Variants in SLC4A7 observed in about 807,000 individuals in gnomAD.
SLC4A7 encodes the protein solute carrier family 4 member 7, also known as sodium bicarbonate cotransporter 3.
SLC4A7 carries 51 observed loss-of-function variants against 137.6 expected under a neutral mutation model. The observed-to-expected ratio is 0.37, with a 90% CI of 0.30 to 0.47. SLC4A7 has a LOEUF of 0.47. SLC4A7 is among the 20% of genes least tolerant of loss of function. The pLI, the probability that SLC4A7 is intolerant of heterozygous loss-of-function variation, is 1.00. For missense variants in SLC4A7, 1,247 were observed against 1,525.4 expected, an observed-to-expected ratio of 0.82 and a Z score of 3.04; for synonymous variants, 542 against 518.6, an observed-to-expected ratio of 1.05 and a Z score of -0.61.
chr3:27,418,421 C>T (rs2054607376), intron 11 of SLC4A7, 65 bp downstream of exon 11: 1 of 1,362,416 alleles, frequency 7.3e-7, no homozygotes, highest in East Asian at 2.5e-5. Context: ...TTTTGAATCA[C>T]ACCTAATCAA....
intron 5 of SLC4A7, among the ~76,000 whole-genome samples, chr3:27,435,569 G>C (rs912148492): frequency 1.3e-5 from 2 of 152,274 alleles, no homozygotes; most frequent in East Asian, 3.9e-4. Flanking sequence ...GCTAGGCACC[G>C]TGGCTCACAC....
At chr3:27,443,023 TC>T (rs1239759144) in intron 3 of SLC4A7, among the ~76,000 whole-genome samples, 1 of 132,518 alleles carries the variant, frequency 7.5e-6, no homozygotes, top group Non-Finnish European at 1.6e-5. Flanking sequence ...TTCTCTTTTT[TC>T]TTTTTTTCTT....
intron 5 of SLC4A7, among the ~76,000 whole-genome samples, chr3:27,436,063 A>C (rs1214559705): frequency 6.6e-6 from 1 of 152,124 alleles, no homozygotes; most frequent in Non-Finnish European, 1.5e-5. Context: ...CCATGTGTTC[A>C]CATTTTATGA....
In SLC4A7 at chr3:27,376,828, C is replaced by G. The variant is rs1284831377; in HGVS notation, c.3716G>C (p.Ser1239Thr). The change falls in exon 26 of 26, where the codon AGT becomes ACT. Residue 1239 changes from serine (S) to threonine (T), a missense_variant. Physicochemically the swap from Ser to Thr is moderately conservative, Grantham distance 58. This residue lies in a region of SLC4A7 where 290 missense variants were observed against 323.8 expected (regional missense o/e 0.90). Coordinates refer to ENST00000454389, the MANE Select transcript of SLC4A7 (RefSeq NM_001321103.2). The stretch of plus-strand genomic sequence containing the variant: ...TTCATCTTCAAAACTTATTTTCACA[C>G]TCACAGGTTTATCAGGACTATTTAA... Reference protein sequence around the residue: ...RSNMSPDKPVSVKISFEDEPR... With the variant: ...RSNMSPDKPVTVKISFEDEPR... 23 of 1,584,750 alleles carry G rather than the reference C, an allele frequency of 1.5e-5. No homozygotes were observed. Among genetic ancestry groups the G allele is most frequent in the Non-Finnish European group, 2.0e-5 (23 of 1,158,068 alleles).
intron 13 of SLC4A7, among the ~76,000 whole-genome samples, chr3:27,407,109 CCT>C (rs2053442543): frequency 1.6e-5 from 1 of 61,278 alleles, no homozygotes; most frequent in East Asian, 7.4e-4. Context: ...CATATGAAGA[CCT>C]TTTTTTTTTT....
At chr3:27,436,863 A>G (rs778421033) in intron 4 of SLC4A7, among the ~76,000 whole-genome samples, 6 of 152,162 alleles carry the variant, frequency 3.9e-5, no homozygotes, top group Non-Finnish European at 5.9e-5. Context: ...TAAAATCTAT[A>G]ATGACATAAT....
At chr3:27,455,045 A>G (rs2058318956) in intron 1 of SLC4A7, among the ~76,000 whole-genome samples, 1 of 151,682 alleles carries the variant, frequency 6.6e-6, no homozygotes, top group Non-Finnish European at 1.5e-5. Flanking sequence ...CTCATGGTCT[A>G]CACAGGCTGC....
chr3:27,418,463 GA>G (rs2054613554), intron 11 of SLC4A7, 22 bp downstream of exon 11: 4 of 1,574,394 alleles, frequency 2.5e-6, no homozygotes, highest in Non-Finnish European at 3.4e-6. Context: ...GTAAGTCACA[GA>G]AGAATAGCTC....
At position 27,437,526 on chromosome 3, in the gene SLC4A7, T is replaced by C; in HGVS notation, c.290A>G (p.Asp97Gly). 2 of 1,535,294 alleles carry C rather than the reference T, an allele frequency of 1.3e-6. No individual in the cohort carries two copies. The highest frequency in any genetic ancestry group is 1.7e-6 in the Non-Finnish European group (2 of 1,146,802). ...KEDGRESPSY[D>G]TPSQRVQFIL... ...AAACTGAACTCTCTGGGATGGTGTA[T>C]CTTTACAAAATAAGAATTTACATAT... is the stretch of plus-strand genomic sequence containing the variant. Residue 97 changes from aspartate (D) to glycine (G), a missense_variant and splice_region_variant, in exon 4 of 26, where the codon GAT (aspartate) becomes GGT (glycine). Physicochemically the swap from Asp to Gly is moderately conservative, Grantham distance 94. Around this residue, in one of 6 missense-constraint regions of SLC4A7, gnomAD observed 176 missense variants for 186.4 expected, o/e 0.94. Coordinates refer to ENST00000454389, the MANE Select transcript of SLC4A7 (RefSeq NM_001321103.2).
At chr3:27,435,224 T>C (rs925396163) in intron 5 of SLC4A7, among the ~76,000 whole-genome samples, 4 of 152,194 alleles carry the variant, frequency 2.6e-5, no homozygotes, top group African/African-American at 9.7e-5. Flanking sequence ...CACCATCAAA[T>C]TCATTACTAC....
intron 1 of SLC4A7, among the ~76,000 whole-genome samples, chr3:27,478,612 A>G (rs2059573173): frequency 6.6e-6 from 1 of 152,092 alleles, no homozygotes; most frequent in East Asian, 1.9e-4. Context: ...AAACTGCTTA[A>G]GTACGCTCAC....
Position 27,394,571 on chromosome 3 carries a change from G to T in SLC4A7, c.3064C>A (p.Leu1022Ile), listed in dbSNP as rs760563019. The T allele has an allele frequency of 3.1e-6, 5 of 1,613,842 alleles. No individual in the cohort carries two copies. The highest frequency in any genetic ancestry group is 4.2e-6 in the Non-Finnish European group (5 of 1,179,894). Residue 1022 changes from leucine (L) to isoleucine (I), a missense_variant, in exon 20 of 26, where the codon CTA (leucine) becomes ATA (isoleucine). By Grantham distance (5) the Leu-to-Ile change is conservative. Coordinates refer to ENST00000454389, the MANE Select transcript of SLC4A7 (RefSeq NM_001321103.2). ...AGGCCCATTAGAATAAAAATCATTAGCCCTGTAACCCGCTGTTCACGAATT... is the reference window on the plus strand; with the variant it reads ...AGGCCCATTAGAATAAAAATCATTATCCCTGTAACCCGCTGTTCACGAATT... Reference protein sequence around the residue: ...LGIREQRVTGLMIFILMGLSV... With the variant: ...LGIREQRVTGIMIFILMGLSV...
chr3:27,387,959 C>T (rs148454694), intron 22 of SLC4A7, among the ~76,000 whole-genome samples: 1 of 152,002 alleles, frequency 6.6e-6, no homozygotes, highest in Non-Finnish European at 1.5e-5. Flanking sequence ...TATTATAAAG[C>T]CTTTTTCTTT....
chr3:27,476,671 G>A (rs574171450), intron 1 of SLC4A7, among the ~76,000 whole-genome samples: 5 of 152,216 alleles, frequency 3.3e-5, no homozygotes, highest in Admixed American at 2.6e-4. Context: ...TTGAGAGTGT[G>A]TAGCCCTTCC....
rs1371755802 is a variant in SLC4A7 at position 27,373,004 on chromosome 3, A to C, written c.*3760T>G. 6.6e-6 allele frequency: 1 copy of C among 152,412 alleles called. No individual in the cohort carries two copies. The highest frequency in any genetic ancestry group is 1.5e-5 in the Non-Finnish European group (1 of 67,962). The allele number at this position is 152,412 out of a possible 1,614,324, so 9.4% of individuals were successfully genotyped here. ...GTATCAGATTTTATATAAATGAACA[A>C]TAAAATTCAATTTTTATTTATTTAA... On this transcript the variant is annotated 3_prime_UTR_variant, in exon 26 of 26. Coordinates refer to ENST00000454389, the MANE Select transcript of SLC4A7 (RefSeq NM_001321103.2).
intron 1 of SLC4A7, among the ~76,000 whole-genome samples, chr3:27,453,010 G>T (rs2058179310): frequency 6.6e-6 from 1 of 152,120 alleles, no homozygotes; most frequent in African/African-American, 2.4e-5. Flanking sequence ...AAAGTTAAAA[G>T]AACTTTTTCT....
chr3:27,469,917 G>C (rs756192673), intron 1 of SLC4A7, among the ~76,000 whole-genome samples: 1 of 152,148 alleles, frequency 6.6e-6, no homozygotes. Flanking sequence ...TTGAGAAGTA[G>C]CTGTAACAAA....
intron 16 of SLC4A7, 47 bp from the exon 17 acceptor site, chr3:27,398,400 T>G (rs376690917): frequency 6.7e-7 from 1 of 1,497,138 alleles, no homozygotes; most frequent in African/African-American, 1.4e-5. Context: ...TTCTTACGTA[T>G]TCAATAAATT....
At chr3:27,406,470 A>T (rs986428626) in intron 13 of SLC4A7, among the ~76,000 whole-genome samples, 7 of 152,212 alleles carry the variant, frequency 4.6e-5, no homozygotes, top group African/African-American at 1.4e-4. Context: ...AGCATAAAGG[A>T]GAAGTGTCCG....
Sources: gnomAD v4.1 joint callset for allele counts (sites outside exome capture counted in the v4.1 genomes callset) on GRCh38, gnomAD v4.1.1 for gene constraint, gnomAD v4.1.1 regional missense constraint, MANE v1.5 for transcripts, NCBI Gene and HGNC (gene_info 2026-07-23, HGNC 2026-07-21) for gene names.